The following MAVS variants were observed in gnomAD, a reference collection of about 807,000 sequenced individuals.
MAVS encodes mitochondrial antiviral signaling protein, also known as mitochondrial antiviral-signaling protein.
A neutral mutation model predicts 30.2 loss-of-function variants in MAVS; 20 were observed. That is an observed-to-expected ratio of 0.66 (90% CI 0.47 to 0.96). MAVS has a LOEUF of 0.96. Among genes scored for constraint, MAVS ranks in the 40% least tolerant of loss-of-function variants. The pLI is 0.00. For missense variants in MAVS, 624 were observed against 701.1 expected (o/e 0.89, Z 1.24); for synonymous variants, 278 against 293.9 (o/e 0.95, Z 0.55).
chr20:3,856,992 C>T (rs116856555), intron 2 of MAVS, among the ~76,000 whole-genome samples: 2,555 of 148,572 alleles, frequency 0.017, 119 homozygotes, highest in Admixed American at 0.1. Flanking sequence ...GCTGATATCA[C>T]GGCACTGCAC....
At chr20:3,857,929 C>T (rs541858930) in intron 3 of MAVS, 120 bp downstream of exon 3, 31 of 1,153,404 alleles carry the variant, frequency 2.7e-5, no homozygotes, top group African/African-American at 1.4e-4. Context: ...CACTGTGAAG[C>T]GATGAATAAA....
chr20:3,857,339 T>C (rs2089820201), intron 2 of MAVS, among the ~76,000 whole-genome samples: 1 of 152,190 alleles, frequency 6.6e-6, no homozygotes, highest in Non-Finnish European at 1.5e-5. Flanking sequence ...AGTTTCCTCA[T>C]TAGTAAAGTG....
At chr20:3,847,542 G>C (rs1465811056) in intron 1 of MAVS, among the ~76,000 whole-genome samples, 3 of 152,188 alleles carry the variant, frequency 2.0e-5, no homozygotes, top group East Asian at 3.8e-4. Flanking sequence ...AAGAAAACAT[G>C]AAACAAACCA....
rs760873173 is a variant in MAVS, at chr20:3,864,338, G to C, written c.708G>C (p.Arg236Ser). ...AGCCCCTGGCCCGTTCCACCCCCAG[G>C]GCAAGCCGCTTGCCTGGACCCACAG... is the stretch of plus-strand genomic sequence containing the variant. ...SFQPLARSTP[R>S]ASRLPGPTGS... is the part of the protein sequence containing the mutation. Residue 236 changes from arginine to serine, a missense_variant, in exon 6 of 7, where the codon AGG becomes AGC. Physicochemically the swap from Arg to Ser is moderately radical, Grantham distance 110. Coordinates refer to ENST00000428216, the MANE Select transcript of MAVS (RefSeq NM_020746.5). 2 of 1,613,860 alleles carry C rather than the reference G, an allele frequency of 1.2e-6. No homozygotes were observed. Among genetic ancestry groups the C allele is most frequent in the East Asian group, 4.5e-5 (2 of 44,870 alleles).
In MAVS at chr20:3,873,949, T is replaced by A; in HGVS notation, c.*7802T>A. 2.5e-6 allele frequency: 1 copy of A among 394,420 alleles called. No homozygotes were observed. Among genetic ancestry groups the A allele is most frequent in the East Asian group, 3.6e-5 (1 of 27,844 alleles). The allele number at this position is 394,420 out of a possible 1,614,324, so 24.4% of individuals were successfully genotyped here. A position where few individuals can be genotyped will look rare whatever the true frequency, so the allele number is the denominator to read the frequency against. On this transcript the variant is annotated 3_prime_UTR_variant, in exon 7 of 7. Transcript: ENST00000428216. ...CAGAAAGCTATGTCCACCGAGACAT[T>A]GGCAAGAATGTTTCTAACCACACGC... is the stretch of plus-strand genomic sequence containing the variant.
In MAVS at chr20:3,873,371, T is replaced by TA. The variant is rs2089969144; in HGVS notation, c.*7229dup. 6.6e-6 allele frequency: 1 copy of TA among 152,062 alleles called. No homozygotes were observed. The highest frequency in any genetic ancestry group is 2.4e-5 in the African/African-American group (1 of 41,392). 9.4% of individuals were successfully genotyped at this position (152,062 alleles called of 1,614,324 possible). A position where few individuals can be genotyped will look rare whatever the true frequency, so the allele number is the denominator to read the frequency against. On this transcript the variant is annotated 3_prime_UTR_variant, in exon 7 of 7. Coordinates refer to ENST00000428216, the MANE Select transcript of MAVS (RefSeq NM_020746.5). ...CAACATGGTGAAACCCCATCTGTAC[T>TA]AAAAATACAAAAATTAGCCAGGTGT...
chr20:3,853,013 G>C (rs1240405585), intron 1 of MAVS, among the ~76,000 whole-genome samples: 1 of 149,750 alleles, frequency 6.7e-6, no homozygotes, highest in Non-Finnish European at 1.5e-5. Context: ...TAATTTTTTT[G>C]TATTTTCAGT....
intron 1 of MAVS, among the ~76,000 whole-genome samples, chr20:3,848,466 C>G (rs116424953): frequency 3.9e-5 from 6 of 152,308 alleles, no homozygotes; most frequent in African/African-American, 1.4e-4. Context: ...AGAGGACCCC[C>G]GCCTCACCTT....
At chr20:3,861,949 G>A (rs549859539) in intron 4 of MAVS, among the ~76,000 whole-genome samples, 16 of 152,162 alleles carry the variant, frequency 1.1e-4, no homozygotes, top group African/African-American at 3.6e-4. Flanking sequence ...GGGTTTTGCC[G>A]TGTCAGCCAG....
chr20:3,866,385 C>T lies in MAVS; in HGVS notation c.*238C>T. ...CCTTGGCTTTCTGGGTCCTGGGCTG[C>T]CCCCAGTGCTCCAGACCTTCCCCAC... is the stretch of plus-strand genomic sequence containing the variant. On this transcript the variant is annotated 3_prime_UTR_variant, in exon 7 of 7. Transcript: ENST00000428216. 1 of 541,282 alleles carries T rather than the reference C, an allele frequency of 1.8e-6. No individual in the cohort carries two copies. Among genetic ancestry groups the T allele is most frequent in the Admixed American group, 3.5e-5 (1 of 28,384 alleles). The allele number at this position is 541,282 out of a possible 1,614,324, so 33.5% of individuals were successfully genotyped here. A position where few individuals can be genotyped will look rare whatever the true frequency, so the allele number is the denominator to read the frequency against.
At chr20:3,861,793 G>A (rs1320639719) in intron 4 of MAVS, among the ~76,000 whole-genome samples, 1 of 152,010 alleles carries the variant, frequency 6.6e-6, no homozygotes, top group African/African-American at 2.4e-5. Flanking sequence ...CTGTCACCCA[G>A]GCTGGAGTGC....
In MAVS at chr20:3,862,416, A is replaced by G; in HGVS notation, c.625+3A>G. The G allele has an allele frequency of 1.9e-6, 3 of 1,610,162 alleles. No individual in the cohort carries two copies. Among genetic ancestry groups the G allele is most frequent in the Non-Finnish European group, 2.5e-6 (3 of 1,178,194 alleles). ...ACTGGGCAGTACCCACACAGCAGGT[A>G]TGCATGGAATCTGGAATTATAGGGT... On this transcript the variant is annotated splice_donor_region_variant and intron_variant, in intron 5 of 6. Coordinates refer to ENST00000428216, the MANE Select transcript of MAVS (RefSeq NM_020746.5).
At chr20:3,864,032 G>A (rs1353324826) in intron 5 of MAVS, among the ~76,000 whole-genome samples, 1 of 152,162 alleles carries the variant, frequency 6.6e-6, no homozygotes, top group Non-Finnish European at 1.5e-5. Flanking sequence ...TTCACTGTGT[G>A]CCAGGACAGA....
intron 3 of MAVS, among the ~76,000 whole-genome samples, chr20:3,858,355 T>G (rs1168494860): frequency 2.0e-5 from 3 of 151,962 alleles, no homozygotes; most frequent in Non-Finnish European, 4.4e-5. Flanking sequence ...GGCGATTTGA[T>G]GAGATTGAGT....
intron 1 of MAVS, among the ~76,000 whole-genome samples, chr20:3,848,129 T>C (rs1158329870): frequency 1.3e-5 from 2 of 151,808 alleles, no homozygotes; most frequent in African/African-American, 4.8e-5. Flanking sequence ...AAATGGAGTC[T>C]CACTCTCTTG....
chr20:3,854,483 G>T, intron 1 of MAVS, 75 bp from the exon 2 acceptor site: 1 of 453,334 alleles, frequency 2.2e-6, no homozygotes, highest in Non-Finnish European at 3.9e-6. Context: ...AAAAAGTTGA[G>T]AAAGAATTGC....
In MAVS at chr20:3,869,950, C is replaced by G. The variant is rs1169079650; in HGVS notation, c.*3803C>G. On this transcript the variant is annotated 3_prime_UTR_variant, in exon 7 of 7. Transcript: ENST00000428216. ...ATGCCGCTCAAAGCCGTGACTTGGC[C>G]TACTTTGAACAGCAAACTTGTTGCT... 1 of 152,306 alleles carries G rather than the reference C, an allele frequency of 6.6e-6. No homozygotes were observed. The highest frequency in any genetic ancestry group is 1.5e-5 in the Non-Finnish European group (1 of 68,056). The allele number at this position is 152,306 out of a possible 1,614,324, so 9.4% of individuals were successfully genotyped here.
Position 3,865,969 on chromosome 20 carries a change from A to T in MAVS, c.1445A>T (p.Asn482Ile). 6.2e-7 allele frequency: 1 copy of T among 1,613,420 alleles called. No individual in the cohort carries two copies. Among genetic ancestry groups the T allele is most frequent in the African/African-American group, 1.3e-5 (1 of 75,024 alleles). The change falls in exon 7 of 7, where the codon AAC becomes ATC. Residue 482 changes from asparagine to isoleucine, a missense_variant. Coordinates refer to ENST00000428216, the MANE Select transcript of MAVS (RefSeq NM_020746.5). This position sits in a 1 kb window ranked among gnomAD's most constrained non-coding sequence, Gnocchi z 4.7. ...CCCAGCATCCAGCTCCTGGAGGGCAACCCTGGGCCACCTGCGGACCCGGAT... is the reference window on the plus strand; with the variant it reads ...CCCAGCATCCAGCTCCTGGAGGGCATCCCTGGGCCACCTGCGGACCCGGAT... The part of the protein sequence containing the change: ...ENPSIQLLEG[N>I]PGPPADPDGG...
At chr20:3,857,890 C>T (rs745803512) in intron 3 of MAVS, 81 bp downstream of exon 3, 247 of 1,427,334 alleles carry the variant, frequency 1.7e-4, no homozygotes, top group Middle Eastern at 7.0e-4. Flanking sequence ...CCTGTACTTC[C>T]TGCCTTTCTC....
Sources: gnomAD v4.1 joint callset for allele counts (sites outside exome capture counted in the v4.1 genomes callset) on GRCh38, gnomAD v4.1.1 for gene constraint, Gnocchi (gnomAD v3.1) non-coding constraint, MANE v1.5 for transcripts, NCBI Gene and HGNC (gene_info 2026-07-23, HGNC 2026-07-21) for gene names.